ACOT7: variants seen among roughly 807,000 people sequenced by gnomAD.
ACOT7 encodes acyl-CoA thioesterase 7.
ACOT7 carries 12 observed loss-of-function variants against 40.2 expected under a neutral mutation model. The ratio of observed to expected loss-of-function variants is 0.30; its 90% CI spans 0.19 to 0.48. The LOEUF is 0.48. Ranked by LOEUF, ACOT7 falls within the 20% of genes least tolerant of loss-of-function variation. The pLI is 0.99. For synonymous variants in ACOT7, 228 were observed against 219.5 expected (o/e 1.04, Z -0.34); for missense variants, 395 against 530.8 (o/e 0.74, Z 2.51).
chr1:6,271,598 AGCCTGTCCGCCATCCGCTGTG>A (rs1483716669), intron 8 of ACOT7, among the ~76,000 whole-genome samples: 1 of 152,118 alleles, frequency 6.6e-6, no homozygotes, highest in African/African-American at 2.4e-5. Context: ...GCCTTAGCGG[AGCCTGTCCGCCATCCGCTGTG>A]GCCTCTCCGC....
intron 8 of ACOT7, among the ~76,000 whole-genome samples, chr1:6,269,713 G>A (rs1406065913): frequency 6.6e-6 from 1 of 152,230 alleles, no homozygotes; most frequent in African/African-American, 2.4e-5. Context: ...AGCAAATGCT[G>A]TCTGATGATG....
chr1:6,351,110 C>T (rs1641578886), intron 1 of ACOT7, among the ~76,000 whole-genome samples: 1 of 152,244 alleles, frequency 6.6e-6, no homozygotes, highest in African/African-American at 2.4e-5. Flanking sequence ...CATCTGGCCA[C>T]AGGATGCCAC....
chr1:6,267,567 G>A (rs553074522), intron 8 of ACOT7, among the ~76,000 whole-genome samples: 1 of 152,374 alleles, frequency 6.6e-6, no homozygotes, highest in South Asian at 2.1e-4. Flanking sequence ...TACCAGGCAG[G>A]TTTGGGGATC....
chr1:6,375,921 G>C (rs1642221607), intron 1 of ACOT7, among the ~76,000 whole-genome samples: 1 of 141,904 alleles, frequency 7.0e-6, no homozygotes, highest in South Asian at 2.2e-4. Context: ...ATGGGCAACA[G>C]AGCGAGACTC....
At chr1:6,347,631 G>T (rs1478915238) in intron 2 of ACOT7, among the ~76,000 whole-genome samples, 2 of 152,088 alleles carry the variant, frequency 1.3e-5, no homozygotes, top group East Asian at 3.9e-4. Context: ...GCCAGGTGTG[G>T]TTGTACACAC....
intron 5 of ACOT7, among the ~76,000 whole-genome samples, chr1:6,323,023 G>T (rs1640691162): frequency 6.6e-6 from 1 of 152,078 alleles, no homozygotes; most frequent in Non-Finnish European, 1.5e-5. Flanking sequence ...TCAGCTACTT[G>T]GGAGGCTAAG....
At chr1:6,331,083 C>T (rs1235489238) in intron 4 of ACOT7, among the ~76,000 whole-genome samples, 3 of 152,122 alleles carry the variant, frequency 2.0e-5, no homozygotes, top group African/African-American at 7.2e-5. Flanking sequence ...TCAATCACCC[C>T]CAAGTTAGCA....
At chr1:6,303,399 T>G (rs1040647102) in intron 6 of ACOT7, among the ~76,000 whole-genome samples, 5 of 152,214 alleles carry the variant, frequency 3.3e-5, no homozygotes, top group Non-Finnish European at 7.3e-5. Context: ...ATTGTAACAT[T>G]TAACTGCTTA....
chr1:6,393,378 GA>G lies in ACOT7; in HGVS notation c.21del (p.His8IlefsTer60). ...GTGTCTGGCAGGCCCGGCGCGGAAT[GA>G]ATGAGCCCGGGCCGCGCCATAAAGG... MARPGL[I>X]HSAPGLPDTC... On this transcript the variant is annotated frameshift_variant, in exon 1 of 9. Transcript: ENST00000361521. LOFTEE classifies it high-confidence loss of function. 8.1e-7 allele frequency: 1 copy of G among 1,233,376 alleles called. No homozygotes were observed. The highest frequency in any genetic ancestry group is 3.2e-5 in the East Asian group (1 of 31,592). The allele number at this position is 1,233,376 out of a possible 1,614,324, so 76.4% of individuals were successfully genotyped here.
chr1:6,358,976 C>CAAG lies in ACOT7; in HGVS notation c.144-9111_144-9110insCTT. On this transcript the variant is annotated intron_variant, in intron 1 of 8. Coordinates refer to ENST00000361521, the MANE Select transcript of ACOT7 (RefSeq NM_007274.4). The surrounding 1 kb of genome is among the most constrained non-coding windows in gnomAD (Gnocchi z 4.1). ...GGGCTTGGTGGGGAGCACCCCCCACCCCCAGCTTCCTGAGCTGCCCAATCT... is the reference window on the plus strand; with the variant it reads ...GGGCTTGGTGGGGAGCACCCCCCACCAAGCCCAGCTTCCTGAGCTGCCCAATCT... 1 of 1,454,534 alleles carries CAAG rather than the reference C, an allele frequency of 6.9e-7. No homozygotes were observed. The highest frequency in any genetic ancestry group is 1.4e-5 in the South Asian group (1 of 70,682). 90.1% of individuals were successfully genotyped at this position (1,454,534 alleles called of 1,614,324 possible).
At chr1:6,312,251 G>A (rs2148415114) in intron 6 of ACOT7, among the ~76,000 whole-genome samples, 1 of 152,252 alleles carries the variant, frequency 6.6e-6, no homozygotes, top group East Asian at 1.9e-4. Context: ...AAAATTGAAA[G>A]AATGAATAAG....
At chr1:6,270,636 G>C (rs890838494) in intron 8 of ACOT7, among the ~76,000 whole-genome samples, 1 of 152,234 alleles carries the variant, frequency 6.6e-6, no homozygotes, top group Non-Finnish European at 1.5e-5. Context: ...CCCAGGGCCA[G>C]GTTTGTTCAC....
intron 8 of ACOT7, among the ~76,000 whole-genome samples, chr1:6,268,190 C>T (rs1638907824): frequency 6.6e-6 from 1 of 152,096 alleles, no homozygotes; most frequent in East Asian, 1.9e-4. Context: ...AGAAGAAAAC[C>T]TGCTGAATCG....
intron 2 of ACOT7, 78 bp from the exon 3 acceptor site, chr1:6,339,667 A>C: frequency 6.5e-7 from 1 of 1,541,892 alleles, no homozygotes; most frequent in South Asian, 1.2e-5. Flanking sequence ...TGCCCCCTGG[A>C]AACGGTCTTT....
chr1:6,296,026 T>C (rs1639801893), intron 6 of ACOT7, among the ~76,000 whole-genome samples: 1 of 152,108 alleles, frequency 6.6e-6, no homozygotes, highest in Non-Finnish European at 1.5e-5. Context: ...TACTTCAGCC[T>C]CCAAAGTAGC....
At chr1:6,371,410 G>C (rs1642131310) in intron 1 of ACOT7, among the ~76,000 whole-genome samples, 1 of 150,352 alleles carries the variant, frequency 6.7e-6, no homozygotes, top group Non-Finnish European at 1.5e-5. Context: ...CCAGGCTGGA[G>C]TGCTGTGGCA....
rs767520576 is a variant in ACOT7 at position 6,287,882 on chromosome 1, T to C, written c.830-6596A>G. The stretch of plus-strand genomic sequence containing the variant: ...GGAAACAGTGAACTGACTTAGTATT[T>C]CTTACATAACACACCCCAAGGCCTT... On this transcript the variant is annotated intron_variant, in intron 7 of 8. Transcript: ENST00000361521. Among the ~76,000 whole-genome samples, 27 of 152,202 alleles carry C rather than the reference T, an allele frequency of 1.8e-4. 1 individual carries two copies. The highest frequency in any genetic ancestry group is 3.7e-4 in the Non-Finnish European group (25 of 68,028).
In ACOT7 at chr1:6,306,668, G is replaced by A. The variant is rs1023597679; in HGVS notation, c.713-11688C>T. 2.0e-6 allele frequency: 2 copies of A among 985,278 alleles called. No individual in the cohort carries two copies. The highest frequency in any genetic ancestry group is 2.4e-6 in the Non-Finnish European group (2 of 829,920). 61.0% of individuals were successfully genotyped at this position (985,278 alleles called of 1,614,324 possible). On this transcript the variant is annotated intron_variant, in intron 6 of 8. Transcript: ENST00000361521. This position sits in a 1 kb window ranked among gnomAD's most constrained non-coding sequence, Gnocchi z 4.3. ...ACGAGGAAGAAAGCGGCGTCCCAAA[G>A]CATTTGTTTGTTCACCTCTTGATCC...
intron 2 of ACOT7, among the ~76,000 whole-genome samples, chr1:6,340,958 C>T (rs1641259626): frequency 6.6e-6 from 1 of 151,634 alleles, no homozygotes; most frequent in African/African-American, 2.4e-5. Context: ...ATCAGGTGAA[C>T]TCGGGACGGG....
Sources: allele counts gnomAD v4.1 joint callset (sites outside exome capture counted in the v4.1 genomes callset), GRCh38; gene constraint gnomAD v4.1.1; non-coding constraint Gnocchi (gnomAD v3.1); transcripts MANE v1.5; gene names NCBI Gene and HGNC (gene_info 2026-07-23, HGNC 2026-07-21).